The following FBXO11 variants were observed in gnomAD, a reference collection of about 807,000 sequenced individuals.
FBXO11 encodes the protein F-box only protein 11.
FBXO11 carries 13 observed loss-of-function variants against 117.0 expected under a neutral mutation model. The observed-to-expected ratio is 0.11, with a 90% confidence interval of 0.07 to 0.18. FBXO11 has a LOEUF of 0.18. Among genes scored for constraint, FBXO11 ranks in the 10% least tolerant of loss-of-function variants. The probability of loss-of-function intolerance (pLI) is 1.00; values close to 1 mark genes in which losing one functional copy is unlikely to be tolerated. For synonymous variants in FBXO11, 490 were observed against 380.5 expected, an observed-to-expected ratio of 1.29 and a Z score of -3.35; for missense variants, 767 against 1,164.4, an observed-to-expected ratio of 0.66 and a Z score of 4.97.
chr2:47,900,275 C>A (rs1289462658), intron 1 of FBXO11, among the ~76,000 whole-genome samples: 1 of 152,060 alleles, frequency 6.6e-6, no homozygotes, highest in Non-Finnish European at 1.5e-5. Flanking sequence ...GGCACTGTCT[C>A]CTCTCATGGG....
chr2:47,811,923 G>C (rs1290320406), intron 18 of FBXO11, among the ~76,000 whole-genome samples: 1 of 152,082 alleles, frequency 6.6e-6, no homozygotes, highest in East Asian at 1.9e-4. Context: ...GTCCTTTTAA[G>C]TATCATTAAC....
chr2:47,827,589 G>T (rs1021318298), intron 11 of FBXO11, among the ~76,000 whole-genome samples: 10 of 152,156 alleles, frequency 6.6e-5, no homozygotes, highest in Non-Finnish European at 1.2e-4. Context: ...TTATAGGCAT[G>T]AGCCACTGAA....
intron 4 of FBXO11, 49 bp from the exon 5 acceptor site, chr2:47,836,050 T>C: frequency 7.2e-7 from 1 of 1,388,612 alleles, no homozygotes; most frequent in Non-Finnish European, 9.9e-7. Flanking sequence ...GTCCTTTAGA[T>C]TAATACAGTT....
intron 1 of FBXO11, among the ~76,000 whole-genome samples, chr2:47,881,919 T>A (rs527726973): frequency 1.1e-4 from 16 of 152,284 alleles, no homozygotes; most frequent in African/African-American, 3.4e-4. Context: ...AGCTAATTTT[T>A]ATATTTTTGG....
intron 1 of FBXO11, among the ~76,000 whole-genome samples, chr2:47,858,726 C>G (rs1404850510): frequency 2.2e-5 from 3 of 137,656 alleles, no homozygotes; most frequent in Admixed American, 7.2e-5. Context: ...AAACATAATA[C>G]AAATGCAAAA....
rs1299831390 is a variant in FBXO11 at position 47,901,084 on chromosome 2, TAC to T, written c.232+4403_232+4404del. ...ATATGTATATATATACACACGTGTG[TAC>T]ATATATATACATATATATGTATATA... On this transcript the variant is annotated intron_variant, in intron 1 of 22. Coordinates refer to ENST00000403359, the MANE Select transcript of FBXO11 (RefSeq NM_001190274.2). Among the ~76,000 whole-genome samples, 729 of 121,452 alleles carry T rather than the reference TAC, an allele frequency of 6.0e-3. 13 individuals carry two copies. Among genetic ancestry groups the T allele is most frequent in the African/African-American group, 0.02 (654 of 33,532 alleles). The allele number at this position is 121,452 out of a possible 152,430, so 79.7% of individuals were successfully genotyped here. A position where few individuals can be genotyped will look rare whatever the true frequency, so the allele number is the denominator to read the frequency against.
chr2:47,861,309 T>C (rs931528384), intron 1 of FBXO11, among the ~76,000 whole-genome samples: 7 of 151,304 alleles, frequency 4.6e-5, no homozygotes, highest in Admixed American at 4.6e-4. Flanking sequence ...CCCATATGAA[T>C]AGTCTGACCT....
At chr2:47,895,663 A>G (rs1454922434) in intron 1 of FBXO11, among the ~76,000 whole-genome samples, 1 of 152,184 alleles carries the variant, frequency 6.6e-6, no homozygotes, top group Admixed American at 6.5e-5. Flanking sequence ...AGCAGAAATT[A>G]TTTCCACAAT....
intron 11 of FBXO11, among the ~76,000 whole-genome samples, chr2:47,823,850 T>TG (rs1671553228): frequency 6.9e-6 from 1 of 144,386 alleles, no homozygotes; most frequent in Non-Finnish European, 1.5e-5. Flanking sequence ...AATGTTTTAA[T>TG]TTTTTTTTTT....
intron 11 of FBXO11, among the ~76,000 whole-genome samples, chr2:47,831,618 T>G (rs927547556): frequency 6.6e-6 from 1 of 151,974 alleles, no homozygotes; most frequent in African/African-American, 2.4e-5. Flanking sequence ...AATGCTGTAT[T>G]AGGACTTGAA....
chr2:47,892,679 G>A (rs1282115814), intron 1 of FBXO11, among the ~76,000 whole-genome samples: 1 of 152,164 alleles, frequency 6.6e-6, no homozygotes, highest in Non-Finnish European at 1.5e-5. Context: ...TGCAATTGAG[G>A]TGCTTAAATT....
At chr2:47,858,474 G>A (rs1042767286) in intron 1 of FBXO11, among the ~76,000 whole-genome samples, 4 of 150,542 alleles carry the variant, frequency 2.7e-5, no homozygotes, top group Non-Finnish European at 4.4e-5. Context: ...CTGAAGTCAC[G>A]AGCTCAAGAC....
At position 47,807,254 on chromosome 2, in the gene FBXO11, G is replaced by GTT. The variant is rs3136370; in HGVS notation, c.*862_*863dup. 124 of 228,124 alleles carry GTT rather than the reference G, an allele frequency of 5.4e-4. No homozygotes were observed. The highest frequency in any genetic ancestry group is 2.7e-3 in the African/African-American group (121 of 44,786). 14.1% of individuals were successfully genotyped at this position (228,124 alleles called of 1,614,324 possible). On this transcript the variant is annotated 3_prime_UTR_variant, in exon 23 of 23. Coordinates refer to ENST00000403359, the MANE Select transcript of FBXO11 (RefSeq NM_001190274.2). ...ATGAACAGAGTTCAAATACAGGACT[G>GTT]TTTGTTTTGAAGAGACTTTCTAAAG...
chr2:47,859,226 A>G (rs1004855400), intron 1 of FBXO11, among the ~76,000 whole-genome samples: 2 of 152,146 alleles, frequency 1.3e-5, no homozygotes, highest in Non-Finnish European at 2.9e-5. Context: ...GATGCGATGT[A>G]TAAGCAGAAA....
chr2:47,871,147 G>A (rs978726718), intron 1 of FBXO11, among the ~76,000 whole-genome samples: 1 of 152,182 alleles, frequency 6.6e-6, no homozygotes, highest in Non-Finnish European at 1.5e-5. Flanking sequence ...GGGAGAGTAG[G>A]TGATAAAAGA....
intron 16 of FBXO11, among the ~76,000 whole-genome samples, chr2:47,817,125 TG>T (rs1207536863): frequency 2.0e-5 from 3 of 152,272 alleles, no homozygotes; most frequent in Non-Finnish European, 4.4e-5. Flanking sequence ...CTATATCTTC[TG>T]GGATAACTTT....
chr2:47,806,940 T>TTTTTTAAAAATGACCA lies in FBXO11; in HGVS notation c.*1162_*1177dup. The TTTTTTAAAAATGACCA allele has an allele frequency of 9.1e-7, 1 of 1,103,900 alleles. No individual in the cohort carries two copies. Among genetic ancestry groups the TTTTTTAAAAATGACCA allele is most frequent in the Non-Finnish European group, 1.4e-6 (1 of 735,060 alleles). The allele number at this position is 1,103,900 out of a possible 1,614,324, so 68.4% of individuals were successfully genotyped here. A position where few individuals can be genotyped will look rare whatever the true frequency, so the allele number is the denominator to read the frequency against. On this transcript the variant is annotated 3_prime_UTR_variant, in exon 23 of 23. Coordinates refer to ENST00000403359, the MANE Select transcript of FBXO11 (RefSeq NM_001190274.2). ...CAACATTATGATCTAATAAACTTTA[T>TTTTTTAAAAATGACCA]TTTTTAAAAATGACCATTTTTCCAT...
chr2:47,899,826 C>T (rs938569018), intron 1 of FBXO11, among the ~76,000 whole-genome samples: 1 of 150,854 alleles, frequency 6.6e-6, no homozygotes, highest in African/African-American at 2.4e-5. Context: ...ATAAGTGGGA[C>T]AAGACAGAAA....
intron 14 of FBXO11, among the ~76,000 whole-genome samples, chr2:47,819,282 T>C (rs904855238): frequency 1.3e-5 from 2 of 152,200 alleles, no homozygotes; most frequent in African/African-American, 4.8e-5. Context: ...AGTGGCGCGA[T>C]CTTGGCTCAC....
Sources: gnomAD v4.1 joint callset for allele counts (sites outside exome capture counted in the v4.1 genomes callset) on GRCh38, gnomAD v4.1.1 for gene constraint, MANE v1.5 for transcripts, NCBI Gene and HGNC (gene_info 2026-07-23, HGNC 2026-07-21) for gene names.